The following TGM4 variants were observed in gnomAD, a reference collection of about 807,000 sequenced individuals.
TGM4 encodes the protein transglutaminase 4.
In TGM4, 61 loss-of-function variants were observed where a neutral mutation model predicts 76.3. That is an observed-to-expected ratio of 0.80 (90% confidence interval 0.65 to 0.99). The LOEUF is 0.99. Ranked by LOEUF, TGM4 falls within the 50% of genes least tolerant of loss-of-function variation. The pLI, the probability that TGM4 is intolerant of heterozygous loss-of-function variation, is 0.00. For synonymous variants in TGM4, 337 were observed against 329.8 expected (o/e 1.02, Z -0.24); for missense variants, 794 against 843.2 (o/e 0.94, Z 0.72).
In TGM4 at chr3:44,910,939, C is replaced by T. The variant is rs1313488493; in HGVS notation, c.1607-19C>T. 1 of 1,611,394 alleles carries T rather than the reference C, an allele frequency of 6.2e-7. No homozygotes were observed. Among genetic ancestry groups the T allele is most frequent in the South Asian group, 1.1e-5 (1 of 90,894 alleles). ...GGTATGATGAATGACCTCTCCCCTC[C>T]ACCCTGACTCTTTGGCAGTATCAGA... is the stretch of plus-strand genomic sequence containing the variant. On this transcript the variant is annotated intron_variant, in intron 11 of 13. Transcript: ENST00000296125.
intron 5 of TGM4, 86 bp from the exon 6 acceptor site, chr3:44,896,623 C>A: frequency 1.6e-6 from 2 of 1,260,318 alleles, no homozygotes; most frequent in Non-Finnish European, 2.3e-6. Context: ...TACAGGGTGG[C>A]TGTGACATGC....
chr3:44,886,982 C>T (rs1386706010), intron 2 of TGM4, among the ~76,000 whole-genome samples: 4 of 152,244 alleles, frequency 2.6e-5, no homozygotes, highest in South Asian at 2.1e-4. Context: ...CTGAGACCCA[C>T]GTCCCACCAT....
At chr3:44,909,601 C>G (rs1320515395) in intron 10 of TGM4, among the ~76,000 whole-genome samples, 1 of 152,100 alleles carries the variant, frequency 6.6e-6, no homozygotes, top group Non-Finnish European at 1.5e-5. Context: ...TAGCGGAACT[C>G]CAAAACCATT....
intron 3 of TGM4, chr3:44,888,602 G>A (rs773007225): frequency 3.9e-5 from 6 of 152,282 alleles, no homozygotes; most frequent in South Asian, 2.1e-4. Context: ...TCTCTCCTGA[G>A]GTGGGCATGG....
intron 4 of TGM4, among the ~76,000 whole-genome samples, chr3:44,891,239 ATCT>A (rs1178007307): frequency 1.3e-5 from 2 of 152,172 alleles, no homozygotes; most frequent in African/African-American, 4.8e-5. Flanking sequence ...GGTGCTGGAC[ATCT>A]TCTTGCAGCC....
intron 13 of TGM4, 82 bp downstream of exon 13, chr3:44,911,488 T>C: frequency 6.6e-7 from 1 of 1,521,090 alleles, no homozygotes; most frequent in South Asian, 1.2e-5. Context: ...AGAAGTGAAT[T>C]CCCAGTATGG....
At chr3:44,913,494 A>G (rs2125762257) in intron 13 of TGM4, 90 bp from the exon 14 acceptor site, 2 of 1,511,334 alleles carry the variant, frequency 1.3e-6, no homozygotes, top group East Asian at 4.6e-5. Flanking sequence ...GCTAAGGCTC[A>G]GTTTCCTGGC....
intron 1 of TGM4, among the ~76,000 whole-genome samples, chr3:44,883,961 C>G (rs774539403): frequency 6.6e-6 from 1 of 152,196 alleles, no homozygotes; most frequent in Non-Finnish European, 1.5e-5. Context: ...TCTCACCTCA[C>G]TTTACCTCAC....
In TGM4 at chr3:44,885,635, G is replaced by A. The variant is rs191466796; in HGVS notation, c.193+137G>A. On this transcript the variant is annotated intron_variant, in intron 2 of 13. Transcript: ENST00000296125. ...GATCCCCAGTTTCTCCATCTGTAAT[G>A]TGGGAATAATAGCGGGTGTGAAGAG... The A allele has an allele frequency of 1.4e-4, 127 of 920,796 alleles. No individual in the cohort carries two copies. The East Asian group carries it at 3.3e-3, about 24-fold the overall frequency. The allele number at this position is 920,796 out of a possible 1,614,324, so 57.0% of individuals were successfully genotyped here. A position where few individuals can be genotyped will look rare whatever the true frequency, so the allele number is the denominator to read the frequency against.
In TGM4 at chr3:44,879,261, CTCTCTA is replaced by C. The variant is rs1203483456; in HGVS notation, c.19+4566_19+4571del. ...GGTCTCTCTCTCTCTCTCTCTCTCT[CTCTCTA>C]TATATATATATATATATATAGTTTA... On this transcript the variant is annotated intron_variant, in intron 1 of 13. Coordinates refer to ENST00000296125, the MANE Select transcript of TGM4 (RefSeq NM_003241.4). Among the ~76,000 whole-genome samples, 736 of 93,282 alleles carry C rather than the reference CTCTCTA, an allele frequency of 7.9e-3. 6 individuals are homozygous for C. Among genetic ancestry groups the C allele is most frequent in the African/African-American group, 0.021 (589 of 28,442 alleles). The allele number at this position is 93,282 out of a possible 152,430, so 61.2% of individuals were successfully genotyped here. A position where few individuals can be genotyped will look rare whatever the true frequency, so the allele number is the denominator to read the frequency against.
At chr3:44,904,552 G>T (rs899973124) in intron 9 of TGM4, among the ~76,000 whole-genome samples, 1 of 152,200 alleles carries the variant, frequency 6.6e-6, no homozygotes, top group South Asian at 2.1e-4. Flanking sequence ...CATGGGGTTG[G>T]TCTGAGGTTA....
At chr3:44,897,680 A>G (rs923325359) in intron 6 of TGM4, among the ~76,000 whole-genome samples, 4 of 152,222 alleles carry the variant, frequency 2.6e-5, no homozygotes, top group African/African-American at 9.6e-5. Flanking sequence ...AATAAGTTGT[A>G]TTTATATGGT....
chr3:44,904,192 A>G (rs762145695), intron 9 of TGM4, among the ~76,000 whole-genome samples: 2 of 152,214 alleles, frequency 1.3e-5, no homozygotes, highest in Non-Finnish European at 2.9e-5. Context: ...GATAATGCCA[A>G]TGACAGTACT....
intron 1 of TGM4, among the ~76,000 whole-genome samples, chr3:44,877,383 G>T (rs1699464541): frequency 6.6e-6 from 1 of 152,140 alleles, no homozygotes; most frequent in Non-Finnish European, 1.5e-5. Context: ...GGGAGGCGGA[G>T]GCTGCAGTGA....
chr3:44,878,442 C>CTTTTAT (rs1438201527), intron 1 of TGM4, among the ~76,000 whole-genome samples: 1 of 143,114 alleles, frequency 7.0e-6, no homozygotes, highest in African/African-American at 2.6e-5. Context: ...GCATTTATTA[C>CTTTTAT]TTTTGTTTTA....
At chr3:44,910,589 G>A (rs1057122878) in intron 11 of TGM4, among the ~76,000 whole-genome samples, 4 of 152,164 alleles carry the variant, frequency 2.6e-5, no homozygotes, top group Non-Finnish European at 5.9e-5. Flanking sequence ...TGGGTCTATC[G>A]TAGAGTTATA....
rs781584698 is a variant in TGM4 at position 44,896,785 on chromosome 3, C to T, written c.626C>T (p.Pro209Leu). 13 of 1,614,042 alleles carry T rather than the reference C, an allele frequency of 8.1e-6. No homozygotes were observed. Among genetic ancestry groups the T allele is most frequent in the Non-Finnish European group, 9.3e-6 (11 of 1,180,036 alleles). Residue 209 changes from proline (P) to leucine (L), a missense_variant, in exon 6 of 14, where the codon CCC becomes CTC. By Grantham distance (98) the Pro-to-Leu change is moderately conservative (BLOSUM62 -3). Coordinates refer to ENST00000296125, the MANE Select transcript of TGM4 (RefSeq NM_003241.4). ...CTCAAGCCCACAGATAGGAGGGACC[C>T]CGTGCTGGTGTGCAGGGCCATGTGT... ...SSLKPTDRRDPVLVCRAMCAM... is the reference protein window; with the variant it reads ...SSLKPTDRRDLVLVCRAMCAM...
chr3:44,890,045 G>A (rs891636359), intron 3 of TGM4, among the ~76,000 whole-genome samples: 10 of 152,280 alleles, frequency 6.6e-5, no homozygotes, highest in African/African-American at 1.9e-4. Context: ...GAGAGAGAGC[G>A]AGAAAGAGCA....
Position 44,895,879 on chromosome 3 carries a change from G to A in TGM4, c.550-830G>A, listed in dbSNP as rs79642884. On this transcript the variant is annotated intron_variant, in intron 5 of 13. Transcript: ENST00000296125. ...GAGATATAAATGATATCTTGATAAA[G>A]TGGCTTACAGTAAATAGAATTTCAA... 9.2e-3 allele frequency among the ~76,000 whole-genome samples: 1,399 copies of A among 152,222 alleles called. 23 individuals carry two copies. Among genetic ancestry groups the A allele is most frequent in the African/African-American group, 0.029 (1,220 of 41,528 alleles).
Sources: gnomAD v4.1 joint callset for allele counts (sites outside exome capture counted in the v4.1 genomes callset) on GRCh38, gnomAD v4.1.1 for gene constraint, MANE v1.5 for transcripts, NCBI Gene and HGNC (gene_info 2026-07-23, HGNC 2026-07-21) for gene names.